The following NWD2 variants were observed in gnomAD, a reference collection of about 807,000 sequenced individuals.
NWD2 encodes the protein NACHT and WD repeat domain containing 2, also known as NACHT and WD repeat domain-containing protein 2.
A neutral mutation model predicts 132.7 loss-of-function variants in NWD2; 37 were observed. The ratio of observed to expected loss-of-function variants is 0.28; its 90% CI spans 0.21 to 0.37. The LOEUF (loss-of-function observed/expected upper bound fraction) is 0.37, where lower values mean the gene tolerates loss of function less well. NWD2 is among the 10% of genes least tolerant of loss of function. The pLI, the probability that NWD2 is intolerant of heterozygous loss-of-function variation, is 1.00. For synonymous variants in NWD2, 705 were observed against 803.0 expected (o/e 0.88, Z 2.06); for missense variants, 1,592 against 2,122.4 (o/e 0.75, Z 4.91).
At chr4:37,254,801 T>C (rs915089112) in intron 1 of NWD2, among the ~76,000 whole-genome samples, 2 of 152,234 alleles carry the variant, frequency 1.3e-5, no homozygotes, top group African/African-American at 4.8e-5. Flanking sequence ...AATGAAATAC[T>C]TCCTTGAAAT....
At chr4:37,265,002 T>C (rs896282712) in intron 1 of NWD2, among the ~76,000 whole-genome samples, 1 of 152,086 alleles carries the variant, frequency 6.6e-6, no homozygotes, top group African/African-American at 2.4e-5. Flanking sequence ...AGCCATGTAG[T>C]GTGTAAATTG....
At chr4:37,272,692 A>G (rs1717897226) in intron 1 of NWD2, among the ~76,000 whole-genome samples, 1 of 151,690 alleles carries the variant, frequency 6.6e-6, no homozygotes, top group African/African-American at 2.4e-5. Context: ...TATAAATATT[A>G]TTTATTAATC....
At chr4:37,254,780 AC>A (rs1377915830) in intron 1 of NWD2, among the ~76,000 whole-genome samples, 3 of 152,068 alleles carry the variant, frequency 2.0e-5, no homozygotes, top group South Asian at 2.1e-4. Context: ...AGAGAATAAT[AC>A]CCCCCTTCTA....
chr4:37,300,239 C>T (rs1718586831), intron 1 of NWD2, among the ~76,000 whole-genome samples: 2 of 152,142 alleles, frequency 1.3e-5, no homozygotes, highest in South Asian at 4.1e-4. Flanking sequence ...ATAGTGCCAT[C>T]TTGCCCGATT....
At chr4:37,299,522 A>G (rs1158082813) in intron 1 of NWD2, among the ~76,000 whole-genome samples, 2 of 152,108 alleles carry the variant, frequency 1.3e-5, no homozygotes, top group African/African-American at 2.4e-5. Context: ...ATCCTGTCTA[A>G]TATTGAATAA....
intron 4 of NWD2, among the ~76,000 whole-genome samples, chr4:37,431,507 A>G (rs1055485755): frequency 2.0e-5 from 3 of 152,172 alleles, no homozygotes; most frequent in African/African-American, 2.4e-5. Flanking sequence ...GTGTATTTAC[A>G]AAGGTCTGGG....
chr4:37,335,271 C>A (rs1051020606), intron 2 of NWD2, among the ~76,000 whole-genome samples: 1 of 127,496 alleles, frequency 7.8e-6, no homozygotes, highest in African/African-American at 3.0e-5. Flanking sequence ...AATTTTCTCA[C>A]CCACTGTGCC....
intron 1 of NWD2, among the ~76,000 whole-genome samples, chr4:37,273,391 T>C (rs942172357): frequency 1.3e-5 from 2 of 152,160 alleles, no homozygotes; most frequent in African/African-American, 4.8e-5. Flanking sequence ...CTATCCTAAA[T>C]ATATGTGCAC....
At chr4:37,398,265 C>T (rs535839039) in intron 3 of NWD2, among the ~76,000 whole-genome samples, 1 of 152,308 alleles carries the variant, frequency 6.6e-6, no homozygotes, top group Non-Finnish European at 1.5e-5. Flanking sequence ...GAATACTATG[C>T]AGCCATAAAA....
intron 1 of NWD2, among the ~76,000 whole-genome samples, chr4:37,254,978 C>T (rs1322283624): frequency 6.6e-6 from 1 of 152,204 alleles, no homozygotes; most frequent in Non-Finnish European, 1.5e-5. Flanking sequence ...TGATCTATTA[C>T]ATGCAGTGTC....
chr4:37,408,488 T>C (rs1387846869), intron 3 of NWD2, among the ~76,000 whole-genome samples: 9 of 152,158 alleles, frequency 5.9e-5, no homozygotes, highest in African/African-American at 2.2e-4. Flanking sequence ...ATTTTTCTTC[T>C]CTGGGCAGGG....
intron 3 of NWD2, among the ~76,000 whole-genome samples, chr4:37,420,283 G>T (rs1211944666): frequency 6.6e-6 from 1 of 152,064 alleles, no homozygotes; most frequent in Non-Finnish European, 1.5e-5. Context: ...TCCTCCCTCT[G>T]CTTCTGTAGC....
At chr4:37,299,436 A>G (rs1260713886) in intron 1 of NWD2, among the ~76,000 whole-genome samples, 1 of 151,916 alleles carries the variant, frequency 6.6e-6, no homozygotes, top group Non-Finnish European at 1.5e-5. Context: ...AATTCTACTC[A>G]TTTTCAAGTA....
chr4:37,360,207 A>G (rs1719951940), intron 3 of NWD2, among the ~76,000 whole-genome samples: 1 of 152,234 alleles, frequency 6.6e-6, no homozygotes, highest in Admixed American at 6.5e-5. Context: ...TAATATATGT[A>G]TGAGTTCTTT....
At chr4:37,253,542 T>TGAGGTAAAGGG (rs1160934905) in intron 1 of NWD2, among the ~76,000 whole-genome samples, 1 of 152,132 alleles carries the variant, frequency 6.6e-6, no homozygotes, top group African/African-American at 2.4e-5. Flanking sequence ...GAAGGTTAAA[T>TGAGGTAAAGGG]GAGGTAAAGG....
chr4:37,253,921 T>A (rs879753888), intron 1 of NWD2, among the ~76,000 whole-genome samples: 1 of 152,210 alleles, frequency 6.6e-6, no homozygotes, highest in Non-Finnish European at 1.5e-5. Flanking sequence ...TTCTTTTTTT[T>A]ATCCATCCTT....
chr4:37,366,565 A>G (rs920318237), intron 3 of NWD2, among the ~76,000 whole-genome samples: 2 of 152,186 alleles, frequency 1.3e-5, no homozygotes, highest in African/African-American at 4.8e-5. Flanking sequence ...AAATCTTCCT[A>G]TTAAATACAG....
chr4:37,366,544 G>A (rs1720101954), intron 3 of NWD2, among the ~76,000 whole-genome samples: 1 of 152,112 alleles, frequency 6.6e-6, no homozygotes, highest in South Asian at 2.1e-4. Flanking sequence ...TTTATTCACT[G>A]TAAATAATCT....
In NWD2 at chr4:37,439,108, C is replaced by T. The variant is rs1577703000; in HGVS notation, c.1014C>T (p.Tyr338=). ...LGYSQEIENH[Y]IEGLGKQFYE... ...ACTCCCAAGAAATAGAAAATCATTACATCGAAGGACTTGGTAAACAATTTT... is the reference window on the plus strand; with the variant it reads ...ACTCCCAAGAAATAGAAAATCATTATATCGAAGGACTTGGTAAACAATTTT... The change falls in exon 6 of 7, where the codon TAC becomes TAT. Residue 338 remains tyrosine, a synonymous_variant. Coordinates refer to ENST00000309447, the MANE Select transcript of NWD2 (RefSeq NM_001144990.2). The surrounding 1 kb of genome is among the most constrained non-coding windows in gnomAD (Gnocchi z 4.5). The T allele has an allele frequency of 6.4e-7, 1 of 1,551,848 alleles. No homozygotes were observed. The highest frequency in any genetic ancestry group is 2.4e-5 in the East Asian group (1 of 40,908).
Sources: allele counts gnomAD v4.1 joint callset (sites outside exome capture counted in the v4.1 genomes callset), GRCh38; gene constraint gnomAD v4.1.1; non-coding constraint Gnocchi (gnomAD v3.1); transcripts MANE v1.5; gene names NCBI Gene and HGNC (gene_info 2026-07-23, HGNC 2026-07-21).